The following ADSL variants were observed in gnomAD, a reference collection of about 807,000 sequenced individuals.
ADSL encodes the protein adenylosuccinase.
Under a neutral mutation model 62.1 loss-of-function variants are expected in ADSL, and 44 were observed. The ratio of observed to expected loss-of-function variants is 0.71; its 90% CI spans 0.56 to 0.91. The LOEUF is 0.91. Among genes scored for constraint, ADSL ranks in the 40% least tolerant of loss-of-function variants. ADSL has a pLI of 0.00. For synonymous variants in ADSL, 198 were observed against 220.5 expected (o/e 0.90, Z 0.90); for missense variants, 531 against 627.4 (o/e 0.85, Z 1.64).
Position 40,363,034 on chromosome 22 carries a change from T to C in ADSL, c.1064T>C (p.Leu355Pro). 6.2e-7 allele frequency: 1 copy of C among 1,614,180 alleles called. No homozygotes were observed. The highest frequency in any genetic ancestry group is 1.3e-5 in the African/African-American group (1 of 75,040). The change falls in exon 10 of 13, where the codon CTG becomes CCG. Residue 355 changes from leucine (L) to proline (P), a missense_variant. Leu to Pro is a moderately conservative substitution (Grantham distance 98). This residue lies in a region of ADSL where 471 missense variants were observed against 592.9 expected (regional missense o/e 0.79). Transcript: ENST00000623063. Reference sequence around the variant, plus strand: ...ACCGCAGATACTATATTGAATACGCTGCAGAACATTTCTGAAGGATTGGTC... The same window carrying C: ...ACCGCAGATACTATATTGAATACGCCGCAGAACATTTCTGAAGGATTGGTC... ...FLTADTILNT[L>P]QNISEGLVVY...
At chr22:40,375,874 C>CA (rs1414327500) in intron 2 of ADSL, among the ~76,000 whole-genome samples, 2 of 151,714 alleles carry the variant, frequency 1.3e-5, no homozygotes, top group Non-Finnish European at 2.9e-5. Context: ...CCTGCCTCTA[C>CA]AAAAAAATTT....
intron 4 of ADSL, among the ~76,000 whole-genome samples, chr22:40,357,558 TTAGGCTTAATGCTGGAAACAAAGCCA>T: frequency 6.6e-6 from 1 of 152,020 alleles, no homozygotes; most frequent in Middle Eastern, 3.4e-3. Flanking sequence ...CTACTTTGAT[TTAGGCTTAATGCTGGAAACAAAGCCA>T]TTAGCTGCTG....
At chr22:40,346,782 C>T in intron 1 of ADSL, 71 bp downstream of exon 1, 1 of 1,498,300 alleles carries the variant, frequency 6.7e-7, no homozygotes, top group South Asian at 1.2e-5. Context: ...GGGCTCTGTT[C>T]CGGGCTGGGC....
chr22:40,363,275 A>G lies in ADSL; in HGVS notation c.1101+204A>G, dbSNP rs532786900. On this transcript the variant is annotated intron_variant, in intron 10 of 12. Coordinates refer to ENST00000623063, the MANE Select transcript of ADSL (RefSeq NM_000026.4). ...ATAGAAACAGAAAAAGAAGTATTTT[A>G]AATTGCCTTAAACTATCTAGCAGCA... Among the ~76,000 whole-genome samples the G allele has an allele frequency of 1.2e-4, 18 of 152,320 alleles. No individual in the cohort carries two copies. In the South Asian group the frequency reaches 3.5e-3, roughly 30 times the overall value.
intron 2 of ADSL, among the ~76,000 whole-genome samples, chr22:40,378,657 C>T (rs901782813): frequency 2.0e-5 from 3 of 150,486 alleles, no homozygotes; most frequent in East Asian, 2.0e-4. Flanking sequence ...ACCCAGGAGG[C>T]GGAGGTTGCA....
chr22:40,376,258 A>G (rs1038227048), intron 2 of ADSL: 1 of 132,350 alleles, frequency 7.6e-6, no homozygotes, highest in Non-Finnish European at 1.5e-5. Flanking sequence ...ATGAAGTTCA[A>G]CTTACGGCTC....
At position 40,364,257 on chromosome 22, in the gene ADSL, AC is replaced by A; in HGVS notation, c.1102-17del. On this transcript the variant is annotated intron_variant, in intron 10 of 12. Transcript: ENST00000623063. ...CTTGAGGCACCTTTCTTGGTCATTCACCGTATCTTTTCCTATAGGTAATTGA... is the reference window on the plus strand; with the variant it reads ...CTTGAGGCACCTTTCTTGGTCATTCACGTATCTTTTCCTATAGGTAATTGA... The A allele has an allele frequency of 6.2e-7, 1 of 1,611,446 alleles. No individual in the cohort carries two copies. The highest frequency in any genetic ancestry group is 8.5e-7 in the Non-Finnish European group (1 of 1,178,398).
At chr22:40,356,781 T>C (rs950317725) in intron 4 of ADSL, among the ~76,000 whole-genome samples, 2 of 152,104 alleles carry the variant, frequency 1.3e-5, no homozygotes, top group South Asian at 2.1e-4. Flanking sequence ...AGATTGAGGC[T>C]ACAGTGAGCT....
In ADSL at chr22:40,348,594, C is replaced by T. The variant is rs549165363; in HGVS notation, c.154-1238C>T. ...ATGGGTCTCACTGTGTTTTCCAGTG[C>T]GGTCTAGAACTTCTGGACTCAAGCG... On this transcript the variant is annotated intron_variant, in intron 1 of 12. Coordinates refer to ENST00000623063, the MANE Select transcript of ADSL (RefSeq NM_000026.4). 1.1e-4 allele frequency: 42 copies of T among 398,556 alleles called. No homozygotes were observed. In the East Asian group the frequency reaches 1.2e-3, roughly 12 times the overall value. The allele number at this position is 398,556 out of a possible 1,614,324, so 24.7% of individuals were successfully genotyped here.
intron 11 of ADSL, chr22:40,364,610 T>C: frequency 3.2e-6 from 2 of 630,220 alleles, no homozygotes; most frequent in Admixed American, 2.5e-5. Context: ...TCTGACATTC[T>C]GTAGGAAATG....
At chr22:40,356,201 CAA>C (rs938069843) in intron 4 of ADSL, among the ~76,000 whole-genome samples, 2 of 126,454 alleles carry the variant, frequency 1.6e-5, no homozygotes. Flanking sequence ...GACTCCACCT[CAA>C]AAAAAAAAAA....
downstream of ADSL, among the ~76,000 whole-genome samples, chr22:40,371,631 G>T: frequency 6.6e-6 from 1 of 151,848 alleles, no homozygotes; most frequent in African/African-American, 2.4e-5. Context: ...CTAAACAGTT[G>T]AATTACATCT....
Position 40,349,680 on chromosome 22 carries a change from T to C in ADSL, c.154-152T>C, listed in dbSNP as rs1056571812. The C allele has an allele frequency of 5.5e-6, 4 of 725,380 alleles. 1 individual carries two copies. Among genetic ancestry groups the C allele is most frequent in the Non-Finnish European group, 4.8e-6 (2 of 414,028 alleles). 44.9% of individuals were successfully genotyped at this position (725,380 alleles called of 1,614,324 possible). On this transcript the variant is annotated intron_variant, in intron 1 of 12. Coordinates refer to ENST00000623063, the MANE Select transcript of ADSL (RefSeq NM_000026.4). Reference sequence around the variant, plus strand: ...CCTCGACCCCACTACCCCTGGCCAGTGTACTTTCAACTTGGTTGCCTCAAA... The same window carrying C: ...CCTCGACCCCACTACCCCTGGCCAGCGTACTTTCAACTTGGTTGCCTCAAA...
chr22:40,346,748 G>A, intron 1 of ADSL, 37 bp downstream of exon 1: 1 of 1,565,514 alleles, frequency 6.4e-7, no homozygotes, highest in Non-Finnish European at 8.6e-7. Flanking sequence ...GGCCGGGAGG[G>A]ACGGGCCCGC....
In ADSL at chr22:40,367,915, G is replaced by C. The variant is rs2045050593; in HGVS notation, c.*1393G>C. On this transcript the variant is annotated 3_prime_UTR_variant, in exon 13 of 13. Transcript: ENST00000623063. ...TAAACTCAGTATGCACCAGAACTGA[G>C]AGAAGACTGTTTTAGGAGGTGTTAA... 6.6e-6 allele frequency: 1 copy of C among 152,222 alleles called. No homozygotes were observed. Among genetic ancestry groups the C allele is most frequent in the South Asian group, 2.1e-4 (1 of 4,830 alleles). 9.4% of individuals were successfully genotyped at this position (152,222 alleles called of 1,614,324 possible).
chr22:40,354,528 A>G (rs2044475342), intron 4 of ADSL, among the ~76,000 whole-genome samples: 1 of 152,216 alleles, frequency 6.6e-6, no homozygotes, highest in Non-Finnish European at 1.5e-5. Context: ...ATTGGGAAAT[A>G]CATATCAAGA....
chr22:40,375,829 G>A (rs1358053855), intron 2 of ADSL, among the ~76,000 whole-genome samples: 1 of 152,010 alleles, frequency 6.6e-6, no homozygotes, highest in Non-Finnish European at 1.5e-5. Flanking sequence ...CTGAAGCCCA[G>A]GAGGTCAAGA....
chr22:40,354,403 A>C (rs987762920), intron 4 of ADSL, 76 bp downstream of exon 4: 1 of 1,127,420 alleles, frequency 8.9e-7, no homozygotes, highest in African/African-American at 1.5e-5. Context: ...TTTCCACAGT[A>C]ACCTTGAGGT....
intron 6 of ADSL, among the ~76,000 whole-genome samples, chr22:40,359,905 C>T (rs922080690): frequency 9.2e-5 from 14 of 152,096 alleles, no homozygotes; most frequent in Non-Finnish European, 1.9e-4. Flanking sequence ...TACCTTTATC[C>T]ATGTTGTTAC....
Sources: allele counts gnomAD v4.1 joint callset (sites outside exome capture counted in the v4.1 genomes callset), GRCh38; gene constraint gnomAD v4.1.1; regional missense constraint gnomAD v4.1.1; transcripts MANE v1.5; gene names NCBI Gene and HGNC (gene_info 2026-07-23, HGNC 2026-07-21).